The following SOX6 variants were observed in gnomAD, a reference collection of about 807,000 sequenced individuals.
SOX6 encodes the protein transcription factor SOX-6.
Under a neutral mutation model 97.8 loss-of-function variants are expected in SOX6, and 11 were observed. The ratio of observed to expected loss-of-function variants is 0.11; its 90% confidence interval spans 0.07 to 0.19. The LOEUF (loss-of-function observed/expected upper bound fraction) is 0.19. Ranked by LOEUF, SOX6 falls within the 10% of genes least tolerant of loss-of-function variation. The pLI is 1.00. For missense variants in SOX6, 810 were observed against 1,039.5 expected, an observed-to-expected ratio of 0.78 and a Z score of 3.04; for synonymous variants, 360 against 371.4, an observed-to-expected ratio of 0.97 and a Z score of 0.35.
intron 3 of SOX6, among the ~76,000 whole-genome samples, chr11:16,288,631 G>T (rs1180569366): frequency 1.3e-5 from 2 of 151,732 alleles, no homozygotes; most frequent in African/African-American, 4.8e-5. Context: ...ACATTTATGG[G>T]GACATGCTAT....
intron 13 of SOX6, among the ~76,000 whole-genome samples, chr11:15,991,300 T>C (rs780551834): frequency 7.2e-5 from 11 of 152,206 alleles, no homozygotes; most frequent in Non-Finnish European, 1.5e-4. Flanking sequence ...TTGACAGCCA[T>C]GTTTATTGCG....
intron 6 of SOX6, among the ~76,000 whole-genome samples, chr11:16,125,923 C>T (rs538231223): frequency 1.3e-3 from 205 of 151,896 alleles, no homozygotes; most frequent in Non-Finnish European, 2.5e-3. Flanking sequence ...TTATTCTCTA[C>T]TCTCCAATTC....
chr11:16,141,692 C>T (rs1049980978), intron 6 of SOX6, among the ~76,000 whole-genome samples: 1 of 152,200 alleles, frequency 6.6e-6, no homozygotes, highest in Non-Finnish European at 1.5e-5. Context: ...GCAAACGGCA[C>T]ACCAGGAGAT....
At chr11:16,249,073 C>T (rs1315320643) in intron 3 of SOX6, among the ~76,000 whole-genome samples, 1 of 147,222 alleles carries the variant, frequency 6.8e-6, no homozygotes, top group Admixed American at 6.8e-5. Context: ...TGCACTCCAG[C>T]TTCGGCAACA....
chr11:16,717,721 C>T (rs1405212004), intron 2 of SOX6, among the ~76,000 whole-genome samples: 3 of 152,138 alleles, frequency 2.0e-5, no homozygotes, highest in Non-Finnish European at 4.4e-5. Flanking sequence ...ACAAGTTTAG[C>T]AGTAGCACAA....
chr11:16,503,375 AG>A (rs1386382900), intron 4 of SOX6, among the ~76,000 whole-genome samples: 1 of 152,188 alleles, frequency 6.6e-6, no homozygotes, highest in Non-Finnish European at 1.5e-5. Context: ...AGAGAAAGAA[AG>A]GAACAAATTG....
intron 3 of SOX6, among the ~76,000 whole-genome samples, chr11:16,259,481 T>A (rs537673253): frequency 6.6e-6 from 1 of 152,082 alleles, no homozygotes; most frequent in South Asian, 2.1e-4. Context: ...GTAAAAAAAA[T>A]TTTGAGTAAG....
upstream of SOX6, chr11:16,476,480 T>C (rs929387961): frequency 6.6e-6 from 1 of 152,186 alleles, no homozygotes; most frequent in Non-Finnish European, 1.5e-5. Flanking sequence ...CTACAAATCA[T>C]ACAATTTTTA....
At chr11:16,518,435 TAGAC>T (rs1234282296) in intron 4 of SOX6, among the ~76,000 whole-genome samples, 2 of 152,192 alleles carry the variant, frequency 1.3e-5, no homozygotes, top group Non-Finnish European at 2.9e-5. Flanking sequence ...ATACTTTGCT[TAGAC>T]AGACAAGTTT....
At chr11:16,626,506 G>A (rs552295928) in intron 3 of SOX6, among the ~76,000 whole-genome samples, 2 of 152,088 alleles carry the variant, frequency 1.3e-5, no homozygotes, top group African/African-American at 2.4e-5. Context: ...TATTCTTTTT[G>A]GTTGTTGTTA....
chr11:16,397,509 A>T lies in SOX6; in HGVS notation c.-4-56257T>A, dbSNP rs759190701. ...CTTAACAATATTATCAGCTCTTTGG[A>T]TACTCATTCTTGCTAAGTAAAAGCA... On this transcript the variant is annotated intron_variant, in intron 1 of 15. Transcript: ENST00000396356. 9 of 151,910 alleles carry T rather than the reference A, an allele frequency of 5.9e-5. 1 individual carries two copies. Among genetic ancestry groups the T allele is most frequent in the Admixed American group, 4.0e-4 (6 of 15,146 alleles). 9.4% of individuals were successfully genotyped at this position (151,910 alleles called of 1,614,324 possible).
At chr11:16,254,199 G>A (rs547544128) in intron 3 of SOX6, among the ~76,000 whole-genome samples, 1 of 152,118 alleles carries the variant, frequency 6.6e-6, no homozygotes, top group Non-Finnish European at 1.5e-5. Context: ...GTGTTGCCAG[G>A]AGATGTTGAA....
chr11:15,992,154 A>G (rs1854073368), intron 13 of SOX6, among the ~76,000 whole-genome samples: 1 of 152,198 alleles, frequency 6.6e-6, no homozygotes, highest in African/African-American at 2.4e-5. Context: ...GCTTTAGATC[A>G]TGTGCACATT....
chr11:16,497,206 G>A (rs1488800204), intron 4 of SOX6, among the ~76,000 whole-genome samples: 2 of 152,176 alleles, frequency 1.3e-5, no homozygotes, highest in East Asian at 3.9e-4. Flanking sequence ...CAGGCAAACA[G>A]GGACTAGAGT....
At chr11:16,586,840 A>G (rs535137905) in intron 4 of SOX6, among the ~76,000 whole-genome samples, 1 of 152,374 alleles carries the variant, frequency 6.6e-6, no homozygotes, top group African/African-American at 2.4e-5. Context: ...ATAGAAGTAC[A>G]GACAGTCCTT....
chr11:16,507,851 G>A (rs1860816223), intron 4 of SOX6, among the ~76,000 whole-genome samples: 2 of 152,006 alleles, frequency 1.3e-5, no homozygotes, highest in South Asian at 4.1e-4. Context: ...GACTTCAAAA[G>A]CAATGGAAAT....
At position 16,471,359 on chromosome 11, in the gene SOX6, G is replaced by GA. The variant is rs572101729; in HGVS notation, c.-5+4955dup. ...CTCTTCCGGCCTAGGTAGTTGATTTGAGTAGCTAAGATTCCAGTCAGTTCT... is the reference window on the plus strand; with the variant it reads ...CTCTTCCGGCCTAGGTAGTTGATTTGAAGTAGCTAAGATTCCAGTCAGTTCT... On this transcript the variant is annotated intron_variant, in intron 1 of 15. Coordinates refer to the SOX6 transcript ENST00000396356. Among the ~76,000 whole-genome samples, 49 of 152,230 alleles carry GA rather than the reference G, an allele frequency of 3.2e-4. 1 individual carries two copies. In the South Asian group the frequency reaches 8.3e-3, roughly 26 times the overall value.
chr11:16,154,319 T>C (rs1477021464), intron 6 of SOX6, among the ~76,000 whole-genome samples: 1 of 152,134 alleles, frequency 6.6e-6, no homozygotes, highest in South Asian at 2.1e-4. Context: ...TTGCTAACAA[T>C]CATTACAATA....
chr11:16,594,684 CTTTTTTTTT>C (rs10653599), intron 4 of SOX6, among the ~76,000 whole-genome samples: 4 of 68,264 alleles, frequency 5.9e-5, no homozygotes, highest in Non-Finnish European at 2.4e-5. Context: ...TCGGTTTTTG[CTTTTTTTTT>C]TTTTTTTTTT....
Sources: allele counts gnomAD v4.1 joint callset (sites outside exome capture counted in the v4.1 genomes callset), GRCh38; gene constraint gnomAD v4.1.1; transcripts MANE v1.5; gene names NCBI Gene and HGNC (gene_info 2026-07-23, HGNC 2026-07-21).